Variants in GFRA2 observed in about 807,000 individuals in gnomAD.
GFRA2 encodes the protein GDNF family receptor alpha-2.
A neutral mutation model predicts 48.3 loss-of-function variants in GFRA2; 17 were observed. The observed-to-expected ratio is 0.35, with a 90% CI of 0.24 to 0.53. The LOEUF is 0.53. Among genes scored for constraint, GFRA2 ranks in the 20% least tolerant of loss-of-function variants. The pLI is 0.93. For missense variants in GFRA2, 660 were observed against 637.3 expected, an observed-to-expected ratio of 1.04 and a Z score of -0.38; for synonymous variants, 305 against 257.2, an observed-to-expected ratio of 1.19 and a Z score of -1.78.
chr8:21,730,031 G>T (rs1340130549), intron 4 of GFRA2, among the ~76,000 whole-genome samples: 1 of 152,064 alleles, frequency 6.6e-6, no homozygotes, highest in African/African-American at 2.4e-5. Context: ...GACCTCGAGG[G>T]CCTCTCTTGG....
chr8:21,695,339 C>T (rs936315341), intron 7 of GFRA2, among the ~76,000 whole-genome samples: 2 of 152,146 alleles, frequency 1.3e-5, no homozygotes. Context: ...ATGGCTTGTT[C>T]CCAGGGCACT....
intron 3 of GFRA2, among the ~76,000 whole-genome samples, chr8:21,751,546 C>T (rs1419850152): frequency 2.6e-5 from 4 of 152,346 alleles, no homozygotes; most frequent in South Asian, 2.1e-4. Flanking sequence ...CACAGGAACC[C>T]GAGTCACACC....
At chr8:21,800,631 A>T (rs1807753455) in intron 2 of GFRA2, among the ~76,000 whole-genome samples, 2 of 152,200 alleles carry the variant, frequency 1.3e-5, no homozygotes, top group Non-Finnish European at 2.9e-5. Flanking sequence ...ATACCATAAG[A>T]GTTCAACAGG....
At chr8:21,765,588 G>A (rs1324027302) in intron 3 of GFRA2, among the ~76,000 whole-genome samples, 2 of 151,812 alleles carry the variant, frequency 1.3e-5, no homozygotes, top group Admixed American at 1.3e-4. Flanking sequence ...TCATGGTTCC[G>A]TGGCTTTAAA....
chr8:21,713,192 T>C (rs1803160499), intron 4 of GFRA2, among the ~76,000 whole-genome samples: 11 of 152,082 alleles, frequency 7.2e-5, no homozygotes, highest in Admixed American at 7.2e-4. Flanking sequence ...TTGTTCTGTT[T>C]TGTTTTGTTT....
intron 4 of GFRA2, among the ~76,000 whole-genome samples, chr8:21,742,207 G>A (rs954172419): frequency 5.3e-5 from 8 of 152,170 alleles, no homozygotes; most frequent in East Asian, 3.9e-4. Flanking sequence ...AATCTCCAGC[G>A]TGATGGTATT....
chr8:21,727,195 AT>A (rs1489135978), intron 4 of GFRA2, among the ~76,000 whole-genome samples: 1 of 152,102 alleles, frequency 6.6e-6, no homozygotes, highest in Non-Finnish European at 1.5e-5. Flanking sequence ...CCCCAGTTTG[AT>A]TCAGATGCAG....
intron 3 of GFRA2, among the ~76,000 whole-genome samples, chr8:21,770,845 C>G (rs1424494933): frequency 2.6e-5 from 4 of 152,208 alleles, no homozygotes; most frequent in Middle Eastern, 3.2e-3. Flanking sequence ...GGCTCCACAC[C>G]ACCCTTCCAG....
At chr8:21,757,687 G>A (rs1805644831) in intron 3 of GFRA2, among the ~76,000 whole-genome samples, 1 of 152,016 alleles carries the variant, frequency 6.6e-6, no homozygotes, top group Non-Finnish European at 1.5e-5. Context: ...TTTTTTAGTA[G>A]AGACGGGGTT....
Position 21,782,670 on chromosome 8 carries a change from C to T in GFRA2, c.270G>A (p.Leu90=). 6.3e-7 allele frequency: 1 copy of T among 1,587,732 alleles called. No homozygotes were observed. Among genetic ancestry groups the T allele is most frequent in the African/African-American group, 1.3e-5 (1 of 74,414 alleles). Residue 90 remains leucine (L), a synonymous_variant, in exon 2 of 9, where the codon CTG becomes CTA. Coordinates refer to ENST00000524240, the MANE Select transcript of GFRA2 (RefSeq NM_001495.5). The stretch of plus-strand genomic sequence containing the variant: ...TGCCCCGCTTGCAGCGGCAGTCGTA[C>T]AGCGGGCTCTCCTGCAAGACCTCCA... ...AALEVLQESP[L]YDCRCKRGMK... is the part of the protein sequence containing the mutation.
chr8:21,763,996 C>T (rs1421802035), intron 3 of GFRA2, among the ~76,000 whole-genome samples: 2 of 123,666 alleles, frequency 1.6e-5, no homozygotes, highest in African/African-American at 6.6e-5. Context: ...CACACACACA[C>T]ACACACACAC....
intron 1 of GFRA2, among the ~76,000 whole-genome samples, chr8:21,809,297 G>A (rs1807932497): frequency 6.6e-6 from 1 of 152,200 alleles, no homozygotes; most frequent in Non-Finnish European, 1.5e-5. Context: ...TATCTCCTTT[G>A]GCAGAGTTTT....
At chr8:21,746,065 T>C (rs1225581871) in intron 4 of GFRA2, among the ~76,000 whole-genome samples, 2 of 152,168 alleles carry the variant, frequency 1.3e-5, no homozygotes, top group African/African-American at 4.8e-5. Flanking sequence ...TGGTTCAGCA[T>C]CCTCATTTGA....
Position 21,788,183 on chromosome 8 carries a change from T to G in GFRA2, c.-24A>C. 1 of 1,601,306 alleles carries G rather than the reference T, an allele frequency of 6.2e-7. No individual in the cohort carries two copies. The highest frequency in any genetic ancestry group is 1.7e-5 in the Admixed American group (1 of 58,626). On this transcript the variant is annotated 5_prime_UTR_variant, in exon 1 of 9. Transcript: ENST00000524240. ...ATGTTAAATAAATCCCACCGTTTTTTTGTCTTTCTCCCTTGGGTAAAAAAA... is the reference window on the plus strand; with the variant it reads ...ATGTTAAATAAATCCCACCGTTTTTGTGTCTTTCTCCCTTGGGTAAAAAAA...
At chr8:21,736,151 A>G (rs1804453503) in intron 4 of GFRA2, among the ~76,000 whole-genome samples, 1 of 152,216 alleles carries the variant, frequency 6.6e-6, no homozygotes, top group Admixed American at 6.5e-5. Context: ...GTTCCCTACC[A>G]TCTGGCAGGC....
chr8:21,693,338 T>C lies in GFRA2; in HGVS notation c.1335A>G (p.Arg445=), dbSNP rs1801963186. The part of the protein sequence containing the change: ...KVIKPNSGPS[R]ARPSAALTVL... ...CGGTCAAGGCAGCCGACGGTCTGGC[T>C]CTGCTGGGGCCTGAGTTAGGTTTGA... The change falls in exon 9 of 9, where the codon AGA becomes AGG. Residue 445 remains arginine, a synonymous_variant. Coordinates refer to ENST00000524240, the MANE Select transcript of GFRA2 (RefSeq NM_001495.5). 6.2e-6 allele frequency: 10 copies of C among 1,613,482 alleles called. No individual in the cohort carries two copies. Among genetic ancestry groups the C allele is most frequent in the Non-Finnish European group, 8.5e-6 (10 of 1,179,726 alleles).
intron 8 of GFRA2, among the ~76,000 whole-genome samples, chr8:21,694,258 C>G (rs1375905490): frequency 2.6e-5 from 4 of 151,502 alleles, no homozygotes; most frequent in Non-Finnish European, 1.5e-5. Flanking sequence ...TGTCTCTCCC[C>G]AAGGAGAGAG....
intron 5 of GFRA2, 25 bp downstream of exon 5, chr8:21,705,907 G>A (rs921330865): frequency 1.0e-5 from 15 of 1,461,240 alleles, no homozygotes; most frequent in Non-Finnish European, 1.2e-5. Context: ...GACCCACAGA[G>A]CCCAGGTGAG....
At chr8:21,767,031 T>G (rs375077670) in intron 3 of GFRA2, among the ~76,000 whole-genome samples, 13 of 80,762 alleles carry the variant, frequency 1.6e-4, no homozygotes, top group African/African-American at 6.0e-4. Flanking sequence ...TTACACACAC[T>G]GCCATGCACA....
Sources: allele counts gnomAD v4.1 joint callset (sites outside exome capture counted in the v4.1 genomes callset), GRCh38; gene constraint gnomAD v4.1.1; transcripts MANE v1.5; gene names NCBI Gene and HGNC (gene_info 2026-07-23, HGNC 2026-07-21).